Variants in MAML2 observed in about 807,000 individuals in gnomAD.
MAML2 encodes the protein mastermind like transcriptional coactivator 2.
Under a neutral mutation model 96.1 loss-of-function variants are expected in MAML2, and 22 were observed. The ratio of observed to expected loss-of-function variants is 0.23; its 90% confidence interval spans 0.16 to 0.33. The LOEUF (loss-of-function observed/expected upper bound fraction) is 0.33, where lower values mean the gene tolerates loss of function less well. MAML2 is among the 10% of genes least tolerant of loss of function. The probability of loss-of-function intolerance (pLI) is 1.00; values close to 1 mark genes in which losing one functional copy is unlikely to be tolerated. For missense variants in MAML2, 1,367 were observed against 1,392.4 expected (o/e 0.98, Z 0.29); for synonymous variants, 561 against 521.3 (o/e 1.08, Z -1.04).
At chr11:96,244,683 CAG>C in intron 1 of MAML2, among the ~76,000 whole-genome samples, 1 of 152,256 alleles carries the variant, frequency 6.6e-6, no homozygotes, top group Non-Finnish European at 1.5e-5. Context: ...ATTGAAGAAA[CAG>C]AGGTTTGTAT....
intron 2 of MAML2, among the ~76,000 whole-genome samples, chr11:96,020,577 C>T (rs769858398): frequency 1.4e-4 from 21 of 152,138 alleles, no homozygotes; most frequent in Non-Finnish European, 2.8e-4. Context: ...GAATCTCTAA[C>T]GAGCTCCATG....
At chr11:96,129,346 T>C (rs1181601792) in intron 1 of MAML2, among the ~76,000 whole-genome samples, 1 of 152,226 alleles carries the variant, frequency 6.6e-6, no homozygotes, top group African/African-American at 2.4e-5. Context: ...ATTGCTGGGC[T>C]CTACCTCTAG....
intron 1 of MAML2, among the ~76,000 whole-genome samples, chr11:96,162,955 T>G (rs1861136747): frequency 6.6e-6 from 1 of 152,204 alleles, no homozygotes; most frequent in South Asian, 2.1e-4. Flanking sequence ...ATTAGTGTAA[T>G]CCATGATATG....
At chr11:96,328,547 AC>A (rs1863815179) in intron 1 of MAML2, among the ~76,000 whole-genome samples, 1 of 151,370 alleles carries the variant, frequency 6.6e-6, no homozygotes. Flanking sequence ...ACCCCACGCC[AC>A]CCCCCAAGAT....
intron 1 of MAML2, among the ~76,000 whole-genome samples, chr11:96,123,584 C>A (rs1252084032): frequency 6.6e-6 from 1 of 152,224 alleles, no homozygotes. Flanking sequence ...GATATGATGA[C>A]ATTTTTAGAG....
At chr11:96,251,194 C>T (rs759016744) in intron 1 of MAML2, among the ~76,000 whole-genome samples, 5 of 152,196 alleles carry the variant, frequency 3.3e-5, no homozygotes, top group Non-Finnish European at 5.9e-5. Context: ...AATCATGTCC[C>T]GCAAAATGTT....
intron 4 of MAML2, among the ~76,000 whole-genome samples, chr11:95,982,303 G>T (rs530945809): frequency 6.8e-6 from 1 of 146,756 alleles, no homozygotes; most frequent in South Asian, 2.1e-4. Flanking sequence ...ATATTCCTTC[G>T]AAACAGAGCT....
In MAML2 at chr11:96,093,239, C is replaced by T. The variant is rs906830432; in HGVS notation, c.792G>A (p.Glu264=). 1.2e-6 allele frequency: 2 copies of T among 1,614,034 alleles called. No individual in the cohort carries two copies. The highest frequency in any genetic ancestry group is 2.7e-5 in the African/African-American group (2 of 75,050). The part of the protein sequence containing the change: ...GNGLFNMGLK[E]VKKEPGETLS... The stretch of plus-strand genomic sequence containing the variant: ...GAGTCTCTCCTGGCTCCTTCTTTAC[C>T]TCCTTTAAGCCCATGTTAAACAGGC... Residue 264 remains glutamate, a synonymous_variant, in exon 2 of 5, where the codon GAG becomes GAA. Transcript: ENST00000524717.
intron 1 of MAML2, among the ~76,000 whole-genome samples, chr11:96,161,611 G>A (rs1194760437): frequency 1.3e-5 from 2 of 152,134 alleles, no homozygotes; most frequent in Non-Finnish European, 2.9e-5. Context: ...AAAGAAGAAT[G>A]TGAGGCAATA....
At chr11:96,165,540 CTGTT>C (rs1156672319) in intron 1 of MAML2, among the ~76,000 whole-genome samples, 1 of 152,074 alleles carries the variant, frequency 6.6e-6, no homozygotes, top group Non-Finnish European at 1.5e-5. Flanking sequence ...TTACATATCT[CTGTT>C]TTTTTAAAAA....
intron 1 of MAML2, among the ~76,000 whole-genome samples, chr11:96,133,060 CATG>C (rs1383028989): frequency 6.6e-6 from 1 of 152,152 alleles, no homozygotes; most frequent in Non-Finnish European, 1.5e-5. Flanking sequence ...TTCTTCATTG[CATG>C]ATATCTACAA....
At chr11:96,220,634 T>C (rs1249106915) in intron 1 of MAML2, among the ~76,000 whole-genome samples, 1 of 152,220 alleles carries the variant, frequency 6.6e-6, no homozygotes, top group African/African-American at 2.4e-5. Context: ...GAATTTTTTT[T>C]GTCATCCTTG....
Position 95,991,500 on chromosome 11 carries a change from A to G in MAML2, c.2343+20T>C. ...TTGGGTCAACAGGTTTGTTCAGTAG[A>G]AATTAAGAGAAAGTTTTACCGCGTC... On this transcript the variant is annotated intron_variant, in intron 3 of 4. Coordinates refer to ENST00000524717, the MANE Select transcript of MAML2 (RefSeq NM_032427.4). The G allele has an allele frequency of 6.2e-7, 1 of 1,611,900 alleles. No individual in the cohort carries two copies. Among genetic ancestry groups the G allele is most frequent in the South Asian group, 1.1e-5 (1 of 90,970 alleles).
At chr11:96,206,235 G>A (rs1361029963) in intron 1 of MAML2, among the ~76,000 whole-genome samples, 1 of 152,134 alleles carries the variant, frequency 6.6e-6, no homozygotes, top group African/African-American at 2.4e-5. Flanking sequence ...AATATTTGGG[G>A]TGAGTATCAG....
chr11:96,091,910 G>C lies in MAML2; in HGVS notation c.2121C>G (p.Val707=), dbSNP rs368576133. Residue 707 remains valine (V), a synonymous_variant, in exon 2 of 5, where the codon GTC becomes GTG. Transcript: ENST00000524717. ...CCCTTACCTGTCTCTGTTGTTGGGA[G>C]ACTTGGTATCCCATTCCTGCAATGG... is the stretch of plus-strand genomic sequence containing the variant. ...NQPIAGMGYQ[V]SQQQRQDQHS... 28 of 1,613,298 alleles carry C rather than the reference G, an allele frequency of 1.7e-5. No individual in the cohort carries two copies. The highest frequency in any genetic ancestry group is 2.4e-5 in the Non-Finnish European group (28 of 1,179,596).
intron 1 of MAML2, among the ~76,000 whole-genome samples, chr11:96,338,526 G>T (rs889364646): frequency 2.6e-5 from 4 of 152,218 alleles, no homozygotes; most frequent in Non-Finnish European, 5.9e-5. Flanking sequence ...TAATACCCAT[G>T]AAAGTCAACA....
intron 1 of MAML2, among the ~76,000 whole-genome samples, chr11:96,276,400 C>T (rs775423064): frequency 6.6e-6 from 1 of 152,154 alleles, no homozygotes; most frequent in Non-Finnish European, 1.5e-5. Context: ...ATTTCTTATC[C>T]TTGTCAGTGC....
intron 2 of MAML2, among the ~76,000 whole-genome samples, chr11:96,046,551 T>C (rs1488611212): frequency 6.6e-6 from 1 of 152,200 alleles, no homozygotes; most frequent in Non-Finnish European, 1.5e-5. Context: ...ATAGCAGCTC[T>C]GAGCAACTTG....
chr11:96,136,490 CCCA>C (rs1860635294), intron 1 of MAML2, among the ~76,000 whole-genome samples: 1 of 152,046 alleles, frequency 6.6e-6, no homozygotes, highest in South Asian at 2.1e-4. Context: ...GCAGTCTTCC[CCCA>C]CCCCCCAAAC....
Sources: allele counts gnomAD v4.1 joint callset (sites outside exome capture counted in the v4.1 genomes callset), GRCh38; gene constraint gnomAD v4.1.1; transcripts MANE v1.5; gene names NCBI Gene and HGNC (gene_info 2026-07-23, HGNC 2026-07-21).